The following GABRR1 variants were observed in gnomAD, a reference collection of about 807,000 sequenced individuals.
GABRR1 encodes gamma-aminobutyric acid type A receptor subunit rho1, also known as gamma-aminobutyric acid receptor subunit rho-1.
Under a neutral mutation model 55.5 loss-of-function variants are expected in GABRR1, and 59 were observed. The observed-to-expected ratio is 1.06, with a 90% confidence interval of 0.86 to 1.32. The LOEUF (loss-of-function observed/expected upper bound fraction) is 1.32. GABRR1 is among the 40% of genes most tolerant of loss of function. The pLI is 0.00. For synonymous variants in GABRR1, 213 were observed against 226.0 expected (o/e 0.94, Z 0.51); for missense variants, 602 against 619.1 (o/e 0.97, Z 0.29).
rs1771879189 is a variant in GABRR1, at chr6:89,185,589, T to G, written c.656-139A>C. 5 of 728,000 alleles carry G rather than the reference T, an allele frequency of 6.9e-6. No homozygotes were observed. In the South Asian group the frequency reaches 8.9e-5, roughly 13 times the overall value. 45.1% of individuals were successfully genotyped at this position (728,000 alleles called of 1,614,324 possible). A position where few individuals can be genotyped will look rare whatever the true frequency, so the allele number is the denominator to read the frequency against. On this transcript the variant is annotated intron_variant, in intron 6 of 9. Coordinates refer to ENST00000454853, the MANE Select transcript of GABRR1 (RefSeq NM_002042.5). ...TGATAGTTTGAAAAACAAACCACAG[T>G]CTAAACAAAGCAAAACAATATCCAA...
intron 9 of GABRR1, among the ~76,000 whole-genome samples, chr6:89,179,488 G>A (rs1465642967): frequency 6.6e-6 from 1 of 152,148 alleles, no homozygotes; most frequent in Non-Finnish European, 1.5e-5. Flanking sequence ...CCAAAGTGCT[G>A]GGATTACAGG....
chr6:89,186,976 G>A (rs1170949439), intron 6 of GABRR1, among the ~76,000 whole-genome samples: 1 of 152,212 alleles, frequency 6.6e-6, no homozygotes, highest in African/African-American at 2.4e-5. Context: ...TACAAGCCCA[G>A]GCTGGCTGAT....
intron 1 of GABRR1, among the ~76,000 whole-genome samples, chr6:89,209,874 C>T (rs77542935): frequency 3.0e-4 from 46 of 152,180 alleles, no homozygotes; most frequent in Admixed American, 1.8e-3. Context: ...ACTTTACTGG[C>T]GTGCTGTAAG....
intron 6 of GABRR1, among the ~76,000 whole-genome samples, chr6:89,187,794 C>G (rs7751321): frequency 6.6e-6 from 1 of 152,160 alleles, no homozygotes; most frequent in East Asian, 1.9e-4. Context: ...TAGCATGTAT[C>G]GGAAATCCTT....
upstream of GABRR1, chr6:89,217,646 G>C (rs919279415): frequency 1.7e-4 from 37 of 220,906 alleles, no homozygotes; most frequent in Non-Finnish European, 2.8e-4. Context: ...TTTCTGGTGC[G>C]TCGAATAAAA....
intron 6 of GABRR1, among the ~76,000 whole-genome samples, chr6:89,187,818 G>C (rs916366808): frequency 6.6e-6 from 1 of 152,134 alleles, no homozygotes; most frequent in African/African-American, 2.4e-5. Context: ...TTTTAAGGCC[G>C]AACACTCTTC....
chr6:89,219,971 G>A (rs761798086), upstream of GABRR1, among the ~76,000 whole-genome samples: 2 of 152,188 alleles, frequency 1.3e-5, no homozygotes, highest in Non-Finnish European at 2.9e-5. Flanking sequence ...AATAAAGGCA[G>A]AATATGTGAT....
At chr6:89,203,230 A>T (rs1428050867) in intron 2 of GABRR1, among the ~76,000 whole-genome samples, 1 of 152,136 alleles carries the variant, frequency 6.6e-6, no homozygotes, top group Non-Finnish European at 1.5e-5. Context: ...ATTGCCGCGG[A>T]CATCCTCTCT....
At chr6:89,230,301 G>A (rs1354269500) in intron 1 of GABRR1, among the ~76,000 whole-genome samples, 1 of 146,190 alleles carries the variant, frequency 6.8e-6, no homozygotes, top group Non-Finnish European at 1.5e-5. Flanking sequence ...TTCTGTTGCT[G>A]GTGAGGAACT....
chr6:89,204,696 T>C (rs529805050), intron 1 of GABRR1: 68 of 1,279,292 alleles, frequency 5.3e-5, no homozygotes, highest in Non-Finnish European at 6.8e-5. Context: ...GCCTCGATTC[T>C]AGCCAAGAGA....
rs1356792478 is a variant in GABRR1, at chr6:89,179,046, T to C, written c.1164A>G (p.Gly388=). The C allele has an allele frequency of 2.5e-6, 4 of 1,613,834 alleles. No individual in the cohort carries two copies. Among genetic ancestry groups the C allele is most frequent in the Non-Finnish European group, 3.4e-6 (4 of 1,179,946 alleles). The change falls in exon 10 of 10, where the codon GGA becomes GGG. Residue 388 remains glycine, a synonymous_variant. Transcript: ENST00000454853. ...KLREKLPCTS[G]LPPPRTAMLD... Reference sequence around the variant, plus strand: ...GCATCGCAGTGCGGGGCGGAGGTAATCCGCTGGTGCAGGGAAGCTGCAAAC... The same window carrying C: ...GCATCGCAGTGCGGGGCGGAGGTAACCCGCTGGTGCAGGGAAGCTGCAAAC...
intron 8 of GABRR1, among the ~76,000 whole-genome samples, chr6:89,181,519 C>T (rs1019172125): frequency 2.0e-5 from 3 of 152,054 alleles, no homozygotes; most frequent in African/African-American, 4.8e-5. Context: ...GACCCAGGAC[C>T]CTTCATTTTT....
intron 1 of GABRR1, chr6:89,204,663 G>T: frequency 5.4e-6 from 7 of 1,288,102 alleles, no homozygotes; most frequent in Non-Finnish European, 6.1e-6. Flanking sequence ...ATTCTGAGAT[G>T]CCACTGCCTT....
intron 8 of GABRR1, among the ~76,000 whole-genome samples, chr6:89,180,829 G>C (rs750447301): frequency 1.3e-5 from 2 of 152,142 alleles, no homozygotes; most frequent in African/African-American, 4.8e-5. Flanking sequence ...GCATATATGA[G>C]CAGGTATATA....
Position 89,198,066 on chromosome 6 carries a change from C to T in GABRR1, c.526G>A (p.Val176Ile), listed in dbSNP as rs751732693. The change falls in exon 5 of 10, where the codon GTC (valine) becomes ATC (isoleucine). Residue 176 changes from valine to isoleucine, a missense_variant. Physicochemically the swap from Val to Ile is conservative, Grantham distance 29. Around this residue, in one of 3 missense-constraint regions of GABRR1, gnomAD observed 435 missense variants for 424.2 expected, o/e 1.03. Coordinates refer to ENST00000454853, the MANE Select transcript of GABRR1 (RefSeq NM_002042.5). ...SFIHDTTTDN[V>I]MLRVQPDGKV... is the part of the protein sequence containing the mutation. ...CCATCAGGCTGGACCCGCAACATGA[C>T]GTTGTCTGTGGTGGTGTCGTGGATG... 3.1e-6 allele frequency: 5 copies of T among 1,614,112 alleles called. No individual in the cohort carries two copies. Among genetic ancestry groups the T allele is most frequent in the East Asian group, 2.2e-5 (1 of 44,878 alleles).
chr6:89,228,759 G>A (rs2127813593), intron 1 of GABRR1, among the ~76,000 whole-genome samples: 1 of 151,260 alleles, frequency 6.6e-6, no homozygotes, highest in Non-Finnish European at 1.5e-5. Flanking sequence ...GGGGTGGAGA[G>A]TTCTGTAGAT....
At position 89,198,175 on chromosome 6, in the gene GABRR1, G is replaced by T. The variant is rs769294286; in HGVS notation, c.417C>A (p.Asn139Lys). Residue 139 changes from asparagine (N) to lysine (K), a missense_variant, in exon 5 of 10, where the codon AAC becomes AAA. Physicochemically the swap from Asn to Lys is moderately conservative, Grantham distance 94. Around this residue, in one of 3 missense-constraint regions of GABRR1, gnomAD observed 435 missense variants for 424.2 expected, o/e 1.03. Transcript: ENST00000454853. Reference sequence around the variant, plus strand: ...GGCCGTCAAACGTCATGCTGAGGTTGTTGGTGCTTGGAAAAGACAGCCTCT... The same window carrying T: ...GGCCGTCAAACGTCATGCTGAGGTTTTTGGTGCTTGGAAAAGACAGCCTCT... ...KDERLSFPSTNNLSMTFDGRL... is the reference protein window; with the variant it reads ...KDERLSFPSTKNLSMTFDGRL... 1 of 1,614,126 alleles carries T rather than the reference G, an allele frequency of 6.2e-7. No homozygotes were observed. Among genetic ancestry groups the T allele is most frequent in the South Asian group, 1.1e-5 (1 of 91,074 alleles).
intron 1 of GABRR1, among the ~76,000 whole-genome samples, chr6:89,214,998 A>G (rs1222904280): frequency 6.6e-6 from 1 of 152,234 alleles, no homozygotes; most frequent in Non-Finnish European, 1.5e-5. Context: ...TCTCTAAAAC[A>G]AACGAACAAA....
chr6:89,223,842 C>T (rs2127811835), intron 1 of GABRR1, among the ~76,000 whole-genome samples: 1 of 150,930 alleles, frequency 6.6e-6, no homozygotes, highest in African/African-American at 2.4e-5. Flanking sequence ...TGGCTCACTG[C>T]AACCTCTGCC....
Sources: gnomAD v4.1 joint callset for allele counts (sites outside exome capture counted in the v4.1 genomes callset) on GRCh38, gnomAD v4.1.1 for gene constraint, gnomAD v4.1.1 regional missense constraint, MANE v1.5 for transcripts, NCBI Gene and HGNC (gene_info 2026-07-23, HGNC 2026-07-21) for gene names.